Variants in TK1 observed in about 807,000 individuals in gnomAD.
TK1 encodes thymidine kinase, cytosolic.
Under a neutral mutation model 22.4 loss-of-function variants are expected in TK1, and 13 were observed. The ratio of observed to expected loss-of-function variants is 0.58; its 90% confidence interval spans 0.38 to 0.92. TK1 has a LOEUF of 0.92. Among genes scored for constraint, TK1 ranks in the 40% least tolerant of loss-of-function variants. TK1 has a pLI of 0.00. For synonymous variants in TK1, 134 were observed against 125.4 expected (o/e 1.07, Z -0.46); for missense variants, 251 against 315.7 (o/e 0.80, Z 1.55).
chr17:78,179,398 G>A (rs2075723335), intron 4 of TK1: 1 of 985,336 alleles, frequency 1.0e-6, no homozygotes, highest in Non-Finnish European at 1.2e-6. Context: ...GAGGCATGGG[G>A]GTGCTCAGGG....
chr17:78,181,811 T>C (rs1598968601), intron 4 of TK1, among the ~76,000 whole-genome samples: 1 of 151,820 alleles, frequency 6.6e-6, no homozygotes, highest in African/African-American at 2.4e-5. Context: ...CGGGCTGGAG[T>C]GCAGTGGTGC....
At chr17:78,184,986 G>A (rs2075770642) in intron 3 of TK1, 69 bp downstream of exon 3, 3 of 1,158,092 alleles carry the variant, frequency 2.6e-6, no homozygotes, top group Admixed American at 3.6e-5. Flanking sequence ...CCATTAAAGA[G>A]AGTCCTAACA....
chr17:78,175,091 G>A lies in TK1; in HGVS notation c.472C>T (p.Arg158Trp), dbSNP rs2075688544. 3 of 1,613,442 alleles carry A rather than the reference G, an allele frequency of 1.9e-6. No homozygotes were observed. The highest frequency in any genetic ancestry group is 2.5e-6 in the Non-Finnish European group (3 of 1,179,864). The change falls in exon 6 of 7, where the codon CGG becomes TGG. Residue 158 changes from arginine (R) to tryptophan (W), a missense_variant. Transcript: ENST00000301634. ...AGCCTCTTGGTATAGGCGGCTTCCC[G>A]GAAGCACTCCATGCACACCGCCGTC... ...KLTAVCMECF[R>W]EAAYTKRLGT...
intron 2 of TK1, among the ~76,000 whole-genome samples, chr17:78,186,448 A>G (rs2075795024): frequency 6.6e-6 from 1 of 152,022 alleles, no homozygotes; most frequent in Non-Finnish European, 1.5e-5. Context: ...GGCCTGGCCT[A>G]CAGGGGACAC....
chr17:78,175,892 A>G (rs2075696118), intron 4 of TK1, among the ~76,000 whole-genome samples: 1 of 152,094 alleles, frequency 6.6e-6, no homozygotes, highest in Non-Finnish European at 1.5e-5. Flanking sequence ...GGACTTCCAC[A>G]CCAGCTGTGC....
intron 4 of TK1, among the ~76,000 whole-genome samples, chr17:78,181,629 A>G (rs1234556009): frequency 6.6e-6 from 1 of 152,074 alleles, no homozygotes; most frequent in Non-Finnish European, 1.5e-5. Context: ...TTTCCATACA[A>G]AGACTGGCAG....
chr17:78,187,138 GGCCGCTGACCT>G (rs1295586408), upstream of TK1: 29 of 1,018,622 alleles, frequency 2.8e-5, no homozygotes, highest in Non-Finnish European at 4.1e-5. Flanking sequence ...ATCAGCGCCC[GGCCGCTGACCT>G]GGCGGGAGAT....
chr17:78,180,886 G>A (rs1422251994), intron 4 of TK1, among the ~76,000 whole-genome samples: 1 of 152,232 alleles, frequency 6.6e-6, no homozygotes, highest in Non-Finnish European at 1.5e-5. Context: ...CCTGACCAGA[G>A]GTAACATTAG....
chr17:78,179,349 CA>C, intron 4 of TK1: 1 of 985,398 alleles, frequency 1.0e-6, no homozygotes, highest in Non-Finnish European at 1.2e-6. Context: ...AGGAGTCCCT[CA>C]AGCACGGGGC....
chr17:78,176,085 C>T (rs559741428), intron 4 of TK1, among the ~76,000 whole-genome samples: 30 of 152,298 alleles, frequency 2.0e-4, no homozygotes, highest in African/African-American at 6.5e-4. Flanking sequence ...ACATGCTCTT[C>T]GGTGAATAGG....
At chr17:78,184,765 C>T (rs2075768342) in intron 3 of TK1, among the ~76,000 whole-genome samples, 1 of 152,078 alleles carries the variant, frequency 6.6e-6, no homozygotes, top group African/African-American at 2.4e-5. Context: ...CTGATTTCTA[C>T]ACATTAAAGC....
At chr17:78,185,029 C>A in intron 3 of TK1, 26 bp downstream of exon 3, 1 of 1,586,614 alleles carries the variant, frequency 6.3e-7, no homozygotes, top group Non-Finnish European at 8.7e-7. Context: ...TTCCACTGGA[C>A]AGGACTGCAG....
chr17:78,175,218 G>A, intron 5 of TK1, 49 bp from the exon 6 acceptor site: 2 of 1,579,848 alleles, frequency 1.3e-6, no homozygotes, highest in Non-Finnish European at 1.7e-6. Flanking sequence ...TTACCAGGTG[G>A]GTTTTTCTTT....
chr17:78,184,385 T>C (rs1320274287), intron 3 of TK1, among the ~76,000 whole-genome samples: 2 of 152,190 alleles, frequency 1.3e-5, no homozygotes, highest in Non-Finnish European at 2.9e-5. Context: ...GGTGCCCAGG[T>C]GGACAAGTCC....
chr17:78,180,036 A>T (rs142194651), intron 4 of TK1, among the ~76,000 whole-genome samples: 1,775 of 152,316 alleles, frequency 0.012, 27 homozygotes, highest in African/African-American at 0.04. Flanking sequence ...GCGCCACTGC[A>T]CTCCAGCCTG....
chr17:78,183,354 G>A (rs2075752062), intron 3 of TK1, among the ~76,000 whole-genome samples: 1 of 152,102 alleles, frequency 6.6e-6, no homozygotes, highest in South Asian at 2.1e-4. Context: ...AACTGGGCCT[G>A]GGTTATATTT....
At chr17:78,175,344 G>A (rs143547112) in intron 5 of TK1, among the ~76,000 whole-genome samples, 175 bp from the exon 6 acceptor site, 7 of 151,982 alleles carry the variant, frequency 4.6e-5, no homozygotes, top group African/African-American at 1.4e-4. Context: ...CAAAGCACCT[G>A]CCGCAACAGA....
chr17:78,179,045 T>TGA (rs1203497027), intron 4 of TK1: 1 of 545,570 alleles, frequency 1.8e-6, no homozygotes, highest in Non-Finnish European at 2.3e-6. Flanking sequence ...CGCTGGCTCC[T>TGA]GACTCAGGGC....
In TK1 at chr17:78,174,857, T is replaced by C; in HGVS notation, c.607A>G (p.Lys203Glu). 1.2e-6 allele frequency: 2 copies of C among 1,613,846 alleles called. No individual in the cohort carries two copies. Among genetic ancestry groups the C allele is most frequent in the Non-Finnish European group, 1.7e-6 (2 of 1,179,834 alleles). Reference protein sequence around the residue: ...ASGQPAGPDNKENCPVPGKPG... With the variant: ...ASGQPAGPDNEENCPVPGKPG... The stretch of plus-strand genomic sequence containing the variant: ...TTTCCTGGCACTGGGCAGTTCTCTT[T>C]GTTGTCCGGCCCGGCAGGCTGGCCT... The change falls in exon 7 of 7, where the codon AAA (lysine) becomes GAA (glutamate). Residue 203 changes from lysine (K) to glutamate (E), a missense_variant. Transcript: ENST00000301634.
Sources: allele counts gnomAD v4.1 joint callset (sites outside exome capture counted in the v4.1 genomes callset), GRCh38; gene constraint gnomAD v4.1.1; transcripts MANE v1.5; gene names NCBI Gene and HGNC (gene_info 2026-07-23, HGNC 2026-07-21).